USH2A: variants seen among roughly 807,000 people sequenced by gnomAD.
USH2A encodes Usher syndrome 2A (autosomal recessive, mild).
In USH2A, 443 loss-of-function variants were observed where a neutral mutation model predicts 538.9. That is an observed-to-expected ratio of 0.82 (90% CI 0.76 to 0.89). The LOEUF (loss-of-function observed/expected upper bound fraction) is 0.89, where lower values mean the gene tolerates loss of function less well. USH2A is among the 40% of genes least tolerant of loss of function. USH2A has a pLI of 0.00. For synonymous variants in USH2A, 2,413 were observed against 2,273.5 expected (o/e 1.06, Z -1.75); for missense variants, 6,633 against 6,324.8 (o/e 1.05, Z -1.65).
rs542290868 is a variant in USH2A at position 216,246,152 on chromosome 1, A to G, written c.2809+433T>C. 1.1e-4 allele frequency among the ~76,000 whole-genome samples: 16 copies of G among 152,338 alleles called. No homozygotes were observed. In the South Asian group the frequency reaches 3.1e-3, roughly 30 times the overall value. Reference sequence around the variant, plus strand: ...GTATTTCTATATAAAACTAGAACATATAGCCTCTTCAGCAAAAACATTTAG... The same window carrying G: ...GTATTTCTATATAAAACTAGAACATGTAGCCTCTTCAGCAAAAACATTTAG... On this transcript the variant is annotated intron_variant, in intron 13 of 71. Coordinates refer to ENST00000307340, the MANE Select transcript of USH2A (RefSeq NM_206933.4).
chr1:215,800,588 G>A (rs971324645), intron 49 of USH2A, among the ~76,000 whole-genome samples: 1 of 152,130 alleles, frequency 6.6e-6, no homozygotes, highest in Non-Finnish European at 1.5e-5. Context: ...ACCTTTTGGT[G>A]AGCCCTGGAT....
intron 63 of USH2A, among the ~76,000 whole-genome samples, chr1:215,672,586 C>T (rs1287516327): frequency 6.6e-6 from 1 of 152,222 alleles, no homozygotes; most frequent in East Asian, 1.9e-4. Context: ...CTGGGTTATC[C>T]GTGGTAGTTT....
intron 30 of USH2A, among the ~76,000 whole-genome samples, chr1:216,058,146 T>C (rs1306728874): frequency 6.7e-6 from 1 of 150,342 alleles, no homozygotes; most frequent in Non-Finnish European, 1.5e-5. Context: ...TCCATAAGGA[T>C]GACACAGCAA....
intron 29 of USH2A, among the ~76,000 whole-genome samples, chr1:216,072,002 T>C (rs913353300): frequency 6.6e-6 from 1 of 152,200 alleles, no homozygotes; most frequent in Non-Finnish European, 1.5e-5. Flanking sequence ...AATTATATTT[T>C]AGATTAAGAA....
chr1:216,147,641 C>A (rs1249078725), intron 21 of USH2A, among the ~76,000 whole-genome samples: 1 of 150,836 alleles, frequency 6.6e-6, no homozygotes, highest in Non-Finnish European at 1.5e-5. Context: ...GCCCGCAAAC[C>A]CCACAACAGG....
intron 20 of USH2A, among the ~76,000 whole-genome samples, chr1:216,178,242 CA>C (rs2034430126): frequency 1.3e-5 from 2 of 152,162 alleles, no homozygotes; most frequent in Admixed American, 1.3e-4. Flanking sequence ...TCTGCCACTG[CA>C]GCCCATGTGA....
At chr1:215,794,356 C>T (rs185572249) in intron 50 of USH2A, among the ~76,000 whole-genome samples, 32 of 152,284 alleles carry the variant, frequency 2.1e-4, no homozygotes, top group Middle Eastern at 3.4e-3. Flanking sequence ...GTTTTACGAG[C>T]CAGCCCGGTC....
chr1:216,108,419 A>T (rs888136528), intron 21 of USH2A, among the ~76,000 whole-genome samples: 5 of 150,998 alleles, frequency 3.3e-5, no homozygotes, highest in Non-Finnish European at 7.4e-5. Context: ...TTTTTTAGTA[A>T]TCGGACTGTG....
intron 50 of USH2A, among the ~76,000 whole-genome samples, chr1:215,791,613 G>A (rs1443752850): frequency 1.3e-5 from 2 of 152,138 alleles, no homozygotes; most frequent in Non-Finnish European, 2.9e-5. Flanking sequence ...GGCATACCAT[G>A]TTTATCTAAT....
chr1:215,764,286 G>A (rs1661065189), intron 56 of USH2A, among the ~76,000 whole-genome samples: 1 of 152,026 alleles, frequency 6.6e-6, no homozygotes, highest in South Asian at 2.1e-4. Context: ...AGAGGAAGAG[G>A]AATCTGGAAT....
At position 215,660,787 on chromosome 1, in the gene USH2A, C is replaced by A. The variant is rs375356584; in HGVS notation, c.14134-9986G>T. Among the ~76,000 whole-genome samples, 6 of 152,204 alleles carry A rather than the reference C, an allele frequency of 3.9e-5. No individual in the cohort carries two copies. The South Asian group carries it at 8.3e-4, about 21-fold the overall frequency. Reference sequence around the variant, plus strand: ...ATGCCTATAGGAATCAAAGAGAGAACCGTACAGTTTTCTAGATGCTTATAG... The same window carrying A: ...ATGCCTATAGGAATCAAAGAGAGAAACGTACAGTTTTCTAGATGCTTATAG... On this transcript the variant is annotated intron_variant, in intron 64 of 71. Transcript: ENST00000307340.
At chr1:215,957,430 T>C in intron 37 of USH2A, among the ~76,000 whole-genome samples, 1 of 152,224 alleles carries the variant, frequency 6.6e-6, no homozygotes, top group East Asian at 1.9e-4. Flanking sequence ...CATAGTACAA[T>C]ATCTTTAACA....
At chr1:216,150,644 G>T (rs2033811868) in intron 21 of USH2A, among the ~76,000 whole-genome samples, 1 of 152,054 alleles carries the variant, frequency 6.6e-6, no homozygotes, top group Non-Finnish European at 1.5e-5. Flanking sequence ...GACAGGTTCA[G>T]CAAGACTTCC....
At chr1:216,151,719 T>C (rs1412495719) in intron 21 of USH2A, among the ~76,000 whole-genome samples, 1 of 152,126 alleles carries the variant, frequency 6.6e-6, no homozygotes, top group Non-Finnish European at 1.5e-5. Flanking sequence ...TATTCTTAAA[T>C]GAGGAGTGTT....
chr1:215,956,819 T>G (rs1228983040), intron 37 of USH2A, among the ~76,000 whole-genome samples: 1 of 152,184 alleles, frequency 6.6e-6, no homozygotes. Flanking sequence ...GTTTGATAAA[T>G]TAATGCTTAA....
chr1:215,714,477 T>C (rs375757416), intron 61 of USH2A, among the ~76,000 whole-genome samples: 11 of 152,336 alleles, frequency 7.2e-5, no homozygotes, highest in African/African-American at 2.4e-4. Flanking sequence ...CATGAGGAAA[T>C]AATAACTTAA....
intron 21 of USH2A, among the ~76,000 whole-genome samples, chr1:216,143,539 C>G (rs1164342799): frequency 1.3e-5 from 2 of 151,576 alleles, no homozygotes; most frequent in East Asian, 3.9e-4. Flanking sequence ...ATTGAAATGC[C>G]CTAAAGAGTA....
intron 21 of USH2A, among the ~76,000 whole-genome samples, chr1:216,128,114 A>G (rs2033292854): frequency 6.6e-6 from 1 of 152,182 alleles, no homozygotes; most frequent in African/African-American, 2.4e-5. Context: ...TTATTAGGGT[A>G]GAAACTGTTG....
chr1:215,933,642 G>A (rs1185778295), intron 38 of USH2A, among the ~76,000 whole-genome samples: 10 of 152,018 alleles, frequency 6.6e-5, no homozygotes, highest in South Asian at 6.2e-4. Flanking sequence ...TTTTTCTCCA[G>A]TGATAAAGCA....
Sources: allele counts gnomAD v4.1 joint callset (sites outside exome capture counted in the v4.1 genomes callset), GRCh38; gene constraint gnomAD v4.1.1; transcripts MANE v1.5; gene names NCBI Gene and HGNC (gene_info 2026-07-23, HGNC 2026-07-21).